Variants in DNAAF4 observed in about 807,000 individuals in gnomAD.
DNAAF4 encodes dynein assembly factor 4, axonemal.
In DNAAF4, 43 loss-of-function variants were observed where a neutral mutation model predicts 51.8. The observed-to-expected ratio is 0.83, with a 90% CI of 0.65 to 1.07. The LOEUF is 1.07. DNAAF4 is among the 50% of genes least tolerant of loss of function. The pLI is 0.00. For missense variants in DNAAF4, 581 were observed against 493.0 expected (o/e 1.18, Z -1.69); for synonymous variants, 194 against 165.6 (o/e 1.17, Z -1.32).
intron 7 of DNAAF4, among the ~76,000 whole-genome samples, chr15:55,419,090 G>A (rs1032181791): frequency 1.3e-5 from 2 of 152,010 alleles, no homozygotes; most frequent in Non-Finnish European, 2.9e-5. Context: ...CTAATTTTTT[G>A]TATTTTTAGT....
downstream of DNAAF4, among the ~76,000 whole-genome samples, chr15:55,428,357 T>C (rs1048636354): frequency 2.0e-5 from 3 of 152,142 alleles, no homozygotes; most frequent in Non-Finnish European, 4.4e-5. Flanking sequence ...TCACTGTCTT[T>C]GTTTAAACTA....
chr15:55,488,189 G>T (rs933468108), intron 4 of DNAAF4, among the ~76,000 whole-genome samples: 2 of 151,510 alleles, frequency 1.3e-5, no homozygotes, highest in South Asian at 4.2e-4. Flanking sequence ...ACCAGAAAGA[G>T]ACCCTACCAG....
At chr15:55,437,423 GT>G (rs974926406) in intron 7 of DNAAF4, among the ~76,000 whole-genome samples, 5 of 151,542 alleles carry the variant, frequency 3.3e-5, no homozygotes, top group African/African-American at 9.7e-5. Flanking sequence ...AATCCCTGGT[GT>G]TGTAACAGAC....
chr15:55,459,174 A>C (rs2141483311), intron 5 of DNAAF4, among the ~76,000 whole-genome samples: 1 of 152,200 alleles, frequency 6.6e-6, no homozygotes, highest in Non-Finnish European at 1.5e-5. Context: ...GAAGCCCTGC[A>C]AGCCAGAAGG....
downstream of DNAAF4, among the ~76,000 whole-genome samples, chr15:55,427,881 C>T (rs1347385096): frequency 6.6e-6 from 1 of 150,702 alleles, no homozygotes; most frequent in Non-Finnish European, 1.5e-5. Flanking sequence ...GTGATCCACC[C>T]GCCTCGGCCT....
intron 6 of DNAAF4, among the ~76,000 whole-genome samples, chr15:55,440,195 G>A (rs796383928): frequency 9.2e-5 from 14 of 151,918 alleles, no homozygotes; most frequent in African/African-American, 3.4e-4. Context: ...TGGGATTACA[G>A]GCGTGTGCCA....
intron 6 of DNAAF4, chr15:55,443,305 G>T: frequency 7.5e-7 from 1 of 1,334,266 alleles, no homozygotes; most frequent in South Asian, 1.2e-5. Context: ...TACCGGTGGC[G>T]GCTGGCAAAG....
chr15:55,451,375 A>G (rs963582124), intron 5 of DNAAF4, among the ~76,000 whole-genome samples: 4 of 152,170 alleles, frequency 2.6e-5, no homozygotes, highest in African/African-American at 7.2e-5. Context: ...CTAATACAAG[A>G]TCCCAATAAT....
rs1366997566 is a variant in DNAAF4 at position 55,447,253 on chromosome 15, G to A, written c.783+2969C>T. On this transcript the variant is annotated intron_variant, in intron 6 of 9. Coordinates refer to ENST00000321149, the MANE Select transcript of DNAAF4 (RefSeq NM_130810.4). ...CAGAGGCGCTCCCCACTTCCCAGAT[G>A]GGGTGGCGGTCGGGCAGAGGTGCTC... 4.0e-5 allele frequency among the ~76,000 whole-genome samples: 6 copies of A among 151,440 alleles called. No homozygotes were observed. In the East Asian group the frequency reaches 1.2e-3, roughly 30 times the overall value.
chr15:55,494,588 T>G (rs1455879074), intron 3 of DNAAF4, among the ~76,000 whole-genome samples: 1 of 151,834 alleles, frequency 6.6e-6, no homozygotes, highest in Non-Finnish European at 1.5e-5. Context: ...AGTTTTGTAT[T>G]TTTAGTAGAG....
rs375640196 is a variant in DNAAF4, at chr15:55,473,359, ATG to A, written c.406-6200_406-6199del. Among the ~76,000 whole-genome samples, 8 of 133,560 alleles carry A rather than the reference ATG, an allele frequency of 6.0e-5. No homozygotes were observed. The East Asian group carries it at 1.0e-3, about 17-fold the overall frequency. 87.6% of individuals were successfully genotyped at this position (133,560 alleles called of 152,430 possible). On this transcript the variant is annotated intron_variant, in intron 4 of 9. Transcript: ENST00000321149. ...TGTGTATATATATGTGTGTATATAT[ATG>A]TGTGTGTGTATATATATATATATGC... is the stretch of plus-strand genomic sequence containing the variant.
At chr15:55,477,965 C>A (rs1240456266) in intron 4 of DNAAF4, among the ~76,000 whole-genome samples, 1 of 151,916 alleles carries the variant, frequency 6.6e-6, no homozygotes, top group Non-Finnish European at 1.5e-5. Context: ...AACCCCAGCA[C>A]TGGAGGACTG....
At chr15:55,442,974 G>T in intron 6 of DNAAF4, 1 of 1,610,422 alleles carries the variant, frequency 6.2e-7, no homozygotes, top group South Asian at 1.1e-5. Context: ...CAACGTCATT[G>T]TAGAACATCA....
intron 8 of DNAAF4, among the ~76,000 whole-genome samples, 173 bp from the exon 9 acceptor site, chr15:55,432,775 G>C (rs774492372): frequency 2.0e-5 from 3 of 149,990 alleles, no homozygotes; most frequent in Admixed American, 6.7e-5. Flanking sequence ...GCGAAACCCC[G>C]TCTCTACTAA....
chr15:55,478,402 T>C (rs977266032), intron 4 of DNAAF4, among the ~76,000 whole-genome samples: 1 of 152,192 alleles, frequency 6.6e-6, no homozygotes, highest in African/African-American at 2.4e-5. Context: ...AAGCACTGCC[T>C]GGGTGCTAAT....
chr15:55,476,792 GAATGGT>G (rs1177330507), intron 4 of DNAAF4, among the ~76,000 whole-genome samples: 10 of 152,132 alleles, frequency 6.6e-5, no homozygotes, highest in African/African-American at 2.4e-4. Flanking sequence ...AGAAAAAGTA[GAATGGT>G]GGCTGTCAAG....
intron 6 of DNAAF4, among the ~76,000 whole-genome samples, chr15:55,447,833 G>GGGGAGAGGGGAGAGGGCAGAA (rs1567010225): frequency 8.7e-6 from 1 of 115,320 alleles, no homozygotes; most frequent in African/African-American, 3.1e-5. Context: ...AGAGGGCAGA[G>GGGGAGAGGGGAGAGGGCAGAA]GGGAGAGGGG....
intron 5 of DNAAF4, among the ~76,000 whole-genome samples, chr15:55,463,314 C>T (rs2058122182): frequency 6.6e-6 from 1 of 152,056 alleles, no homozygotes; most frequent in Non-Finnish European, 1.5e-5. Context: ...CTTTGACAAA[C>T]CCATGGCCAA....
intron 6 of DNAAF4, among the ~76,000 whole-genome samples, chr15:55,440,225 G>T (rs141709785): frequency 0.021 from 3,154 of 151,262 alleles, 97 homozygotes; most frequent in African/African-American, 0.069. Context: ...GCTAATTTTT[G>T]TATTTTTAGT....
Sources: gnomAD v4.1 joint callset for allele counts (sites outside exome capture counted in the v4.1 genomes callset) on GRCh38, gnomAD v4.1.1 for gene constraint, MANE v1.5 for transcripts, NCBI Gene and HGNC (gene_info 2026-07-23, HGNC 2026-07-21) for gene names.